Variants in GSE1 observed in about 807,000 individuals in gnomAD.
GSE1 encodes the protein genetic suppressor element 1.
Under a neutral mutation model 112.6 loss-of-function variants are expected in GSE1, and 32 were observed. The observed-to-expected ratio is 0.28, with a 90% CI of 0.21 to 0.38. GSE1 has a LOEUF of 0.38. Among genes scored for constraint, GSE1 ranks in the 10% least tolerant of loss-of-function variants. The pLI is 1.00. For missense variants in GSE1, 2,348 were observed against 1,699.2 expected (o/e 1.38, Z -6.71); for synonymous variants, 1,115 against 735.6 (o/e 1.52, Z -8.35).
chr16:85,465,509 T>C (rs1226698123), intron 2 of GSE1, among the ~76,000 whole-genome samples: 1 of 152,250 alleles, frequency 6.6e-6, no homozygotes. Context: ...AGTGCATCAG[T>C]CCAGTTAATG....
chr16:85,191,999 C>G (rs1190248409), intron 1 of GSE1, among the ~76,000 whole-genome samples: 2 of 152,208 alleles, frequency 1.3e-5, no homozygotes, highest in African/African-American at 4.8e-5. Flanking sequence ...TTTCCGAAGT[C>G]TAAGCTATTC....
At chr16:85,460,745 C>T (rs147307353) in intron 2 of GSE1, among the ~76,000 whole-genome samples, 1 of 142,216 alleles carries the variant, frequency 7.0e-6, no homozygotes, top group Non-Finnish European at 1.5e-5. Context: ...TGGTCTTGCA[C>T]TTTAAGGAGG....
intron 1 of GSE1, among the ~76,000 whole-genome samples, chr16:85,614,686 C>T (rs1471520929): frequency 6.6e-6 from 1 of 152,182 alleles, no homozygotes; most frequent in Non-Finnish European, 1.5e-5. Flanking sequence ...TGGATGCCAG[C>T]CGGAGTTGAG....
At chr16:85,635,536 GA>G (rs1308423308) in intron 2 of GSE1, among the ~76,000 whole-genome samples, 21 of 152,212 alleles carry the variant, frequency 1.4e-4, no homozygotes, top group Non-Finnish European at 2.4e-4. Flanking sequence ...GGCAGCTGGG[GA>G]CAGACCCTGG....
chr16:85,555,529 CTGTT>C (rs1425272514), upstream of GSE1: 2 of 983,726 alleles, frequency 2.0e-6, no homozygotes, highest in Non-Finnish European at 2.4e-6. Flanking sequence ...TACTTCTTGG[CTGTT>C]TGGGTATTAA....
chr16:85,443,163 G>A (rs1205704038), intron 2 of GSE1, among the ~76,000 whole-genome samples: 1 of 152,170 alleles, frequency 6.6e-6, no homozygotes, highest in Non-Finnish European at 1.5e-5. Context: ...AATGTGGTTG[G>A]GGGGGCACCG....
chr16:85,654,990 A>G lies in GSE1; in HGVS notation c.796A>G (p.Arg266Gly), dbSNP rs1182878494. 1.3e-6 allele frequency: 2 copies of G among 1,568,474 alleles called. No homozygotes were observed. Among genetic ancestry groups the G allele is most frequent in the South Asian group, 1.1e-5 (1 of 88,208 alleles). Residue 266 changes from arginine (R) to glycine (G), a missense_variant and splice_region_variant, in exon 5 of 16, where the codon AGG (arginine) becomes GGG (glycine). Coordinates refer to ENST00000253458, the MANE Select transcript of GSE1 (RefSeq NM_014615.5). The stretch of plus-strand genomic sequence containing the variant: ...ACACCCCTTCCCCCACCCGGCCTTC[A>G]GGTGAGGCATCCCCCACGCGCCCTC... Reference protein sequence around the residue: ...APHPFPHPAFRMDDSYCLSAL... With the variant: ...APHPFPHPAFGMDDSYCLSAL...
intron 2 of GSE1, among the ~76,000 whole-genome samples, chr16:85,518,783 A>T (rs1165517910): frequency 1.3e-5 from 2 of 152,078 alleles, no homozygotes; most frequent in African/African-American, 2.4e-5. Context: ...CCCCTGTGGT[A>T]TAAAAAGGAC....
chr16:85,647,701 C>T (rs1397498732), intron 2 of GSE1, among the ~76,000 whole-genome samples: 7 of 152,212 alleles, frequency 4.6e-5, no homozygotes, highest in Admixed American at 3.9e-4. Context: ...ATTCTCCTGC[C>T]TCCGCCTCCC....
chr16:85,462,841 G>T (rs1291966418), intron 2 of GSE1, among the ~76,000 whole-genome samples: 3 of 145,618 alleles, frequency 2.1e-5, no homozygotes, highest in Admixed American at 2.0e-4. Context: ...CGGCTGCGGG[G>T]CCCCCAGGCG....
chr16:85,309,064 A>G lies in GSE1; in HGVS notation c.2284-48399A>G, dbSNP rs367675860. The stretch of plus-strand genomic sequence containing the variant: ...GATGGGGCGGGGCCTGAGTCTCTGC[A>G]TTTCTGACAGGCTCTGAGGGGCTGC... On this transcript the variant is annotated intron_variant, in intron 1 of 2. Transcript: ENST00000637419. Among the ~76,000 whole-genome samples, 49 of 151,608 alleles carry G rather than the reference A, an allele frequency of 3.2e-4. 1 individual carries two copies. Among genetic ancestry groups the G allele is most frequent in the African/African-American group, 1.0e-3 (43 of 41,302 alleles).
chr16:85,246,962 C>T (rs552650487), intron 1 of GSE1, among the ~76,000 whole-genome samples: 1 of 152,212 alleles, frequency 6.6e-6, no homozygotes, highest in East Asian at 1.9e-4. Flanking sequence ...CTTCCCAGTG[C>T]TCTTAGAATA....
intron 2 of GSE1, among the ~76,000 whole-genome samples, chr16:85,430,569 T>C (rs1359654834): frequency 6.6e-6 from 1 of 152,130 alleles, no homozygotes; most frequent in Admixed American, 6.5e-5. Context: ...GGGGTGAGCA[T>C]GGAGCCACAC....
intron 1 of GSE1, among the ~76,000 whole-genome samples, chr16:85,591,628 G>A (rs1212363323): frequency 1.3e-5 from 2 of 152,230 alleles, no homozygotes; most frequent in Non-Finnish European, 1.5e-5. Flanking sequence ...GGCATGGGCT[G>A]GGGGTGCTGG....
chr16:85,319,800 G>A (rs1192926046), intron 1 of GSE1, among the ~76,000 whole-genome samples: 1 of 152,154 alleles, frequency 6.6e-6, no homozygotes, highest in Non-Finnish European at 1.5e-5. Context: ...CTTCTTTGAA[G>A]GCCTTCTCAC....
chr16:85,421,838 A>C (rs1297875588), intron 2 of GSE1, among the ~76,000 whole-genome samples: 2 of 151,442 alleles, frequency 1.3e-5, no homozygotes, highest in Non-Finnish European at 2.9e-5. Flanking sequence ...TTTTGGGGGG[A>C]ATGGCTTCCG....
chr16:85,201,561 A>G (rs927258135), intron 1 of GSE1, among the ~76,000 whole-genome samples: 1 of 151,844 alleles, frequency 6.6e-6, no homozygotes, highest in Non-Finnish European at 1.5e-5. Context: ...CTAAGGCAGG[A>G]GAATTGCTTG....
intron 1 of GSE1, among the ~76,000 whole-genome samples, chr16:85,262,907 C>G (rs1207182681): frequency 6.6e-6 from 1 of 152,222 alleles, no homozygotes; most frequent in East Asian, 1.9e-4. Context: ...CGACTGTATG[C>G]CAGGCCCCGT....
chr16:85,636,296 T>A (rs1233428405), intron 2 of GSE1, among the ~76,000 whole-genome samples: 1 of 152,176 alleles, frequency 6.6e-6, no homozygotes, highest in Admixed American at 6.5e-5. Context: ...TCACCCCCTA[T>A]TGAGCTGGGA....
Sources: allele counts gnomAD v4.1 joint callset (sites outside exome capture counted in the v4.1 genomes callset), GRCh38; gene constraint gnomAD v4.1.1; transcripts MANE v1.5; gene names NCBI Gene and HGNC (gene_info 2026-07-23, HGNC 2026-07-21).